Variants in C10orf143 observed in about 807,000 individuals in gnomAD.
C10orf143 encodes the protein uncharacterized protein C10orf143.
At chr10:130,037,360 C>T (rs1220645837) in intron 3 of C10orf143, among the ~76,000 whole-genome samples, 1 of 152,248 alleles carries the variant, frequency 6.6e-6, no homozygotes, top group Non-Finnish European at 1.5e-5. Flanking sequence ...AGCCCACTTG[C>T]ATCCTAGAGG....
intron 3 of C10orf143, among the ~76,000 whole-genome samples, chr10:130,069,472 G>A (rs1886902): frequency 0.059 from 9,043 of 152,218 alleles, 382 homozygotes; most frequent in Non-Finnish European, 0.089. Flanking sequence ...ACATCCTCAC[G>A]CTGCAACCAT....
chr10:130,036,740 C>T (rs1345350219), intron 3 of C10orf143, among the ~76,000 whole-genome samples: 1 of 152,196 alleles, frequency 6.6e-6, no homozygotes, highest in Non-Finnish European at 1.5e-5. Context: ...GTCAGGCATG[C>T]AGCCCACCTA....
chr10:130,063,492 T>C (rs1346705617), downstream of C10orf143, among the ~76,000 whole-genome samples: 1 of 152,198 alleles, frequency 6.6e-6, no homozygotes. Flanking sequence ...AATGAAGACG[T>C]GTCCTGTAAT....
intron 3 of C10orf143, among the ~76,000 whole-genome samples, chr10:130,040,844 G>T (rs887805782): frequency 6.6e-6 from 1 of 151,914 alleles, no homozygotes; most frequent in Non-Finnish European, 1.5e-5. Context: ...AAAAAAAAAG[G>T]TAGAATGAAG....
At chr10:130,095,974 A>T (rs112913567) in intron 1 of C10orf143, among the ~76,000 whole-genome samples, 7,680 of 152,266 alleles carry the variant, frequency 0.05, 651 homozygotes, top group African/African-American at 0.18. Flanking sequence ...GCTTCTGCAC[A>T]GCAAAAGAAA....
At chr10:130,104,228 T>C (rs753926249) in intron 1 of C10orf143, 1 of 152,204 alleles carries the variant, frequency 6.6e-6, no homozygotes, top group African/African-American at 2.4e-5. Context: ...GCTCAAAACA[T>C]GTCTGCCCAA....
chr10:130,082,112 A>G (rs1360862806), intron 1 of C10orf143, among the ~76,000 whole-genome samples: 5 of 152,086 alleles, frequency 3.3e-5, no homozygotes, highest in Non-Finnish European at 5.9e-5. Context: ...TATAAATCAA[A>G]ATATATATGA....
At chr10:130,071,547 A>G (rs2134754787) in intron 3 of C10orf143, among the ~76,000 whole-genome samples, 1 of 152,336 alleles carries the variant, frequency 6.6e-6, no homozygotes, top group African/African-American at 2.4e-5. Flanking sequence ...TGCATTGTAA[A>G]TATCTTTCCT....
chr10:130,102,627 A>G (rs1861576061), intron 1 of C10orf143, among the ~76,000 whole-genome samples: 2 of 152,218 alleles, frequency 1.3e-5, no homozygotes, highest in South Asian at 4.1e-4. Flanking sequence ...TATATCTATC[A>G]ATTTTTGTGA....
At chr10:130,044,728 G>A (rs1404391437) in intron 3 of C10orf143, among the ~76,000 whole-genome samples, 1 of 152,114 alleles carries the variant, frequency 6.6e-6, no homozygotes, top group Non-Finnish European at 1.5e-5. Flanking sequence ...CAGATGACCC[G>A]GTGGATCCAT....
intron 1 of C10orf143, among the ~76,000 whole-genome samples, chr10:130,109,814 C>T (rs1285534437): frequency 6.6e-6 from 1 of 151,730 alleles, no homozygotes; most frequent in Non-Finnish European, 1.5e-5. Flanking sequence ...ACTGGGAAGA[C>T]GGATCCTGCA....
intron 1 of C10orf143, among the ~76,000 whole-genome samples, chr10:130,081,948 A>C (rs556839790): frequency 7.3e-5 from 11 of 150,974 alleles, no homozygotes; most frequent in African/African-American, 2.7e-4. Flanking sequence ...AACGGTCACA[A>C]TGAAAAACAA....
At chr10:130,088,663 C>A (rs1003216655) in intron 1 of C10orf143, among the ~76,000 whole-genome samples, 1 of 152,166 alleles carries the variant, frequency 6.6e-6, no homozygotes, top group Non-Finnish European at 1.5e-5. Context: ...GATAAAGTTA[C>A]TTCTGCAGGA....
downstream of C10orf143, among the ~76,000 whole-genome samples, chr10:130,062,914 AGGGAG>A (rs1461376349): frequency 6.6e-6 from 1 of 152,050 alleles, no homozygotes; most frequent in African/African-American, 2.4e-5. Flanking sequence ...GTGTACCAGG[AGGGAG>A]GGCACTGACA....
chr10:130,062,791 A>G (rs1860870784), downstream of C10orf143, among the ~76,000 whole-genome samples: 1 of 152,014 alleles, frequency 6.6e-6, no homozygotes, highest in Non-Finnish European at 1.5e-5. Context: ...ACCCTAATAC[A>G]CCCACATTCT....
intron 3 of C10orf143, among the ~76,000 whole-genome samples, chr10:130,069,325 A>ACAAAAC (rs1860992399): frequency 6.6e-6 from 1 of 152,196 alleles, no homozygotes; most frequent in Non-Finnish European, 1.5e-5. Flanking sequence ...TCAATATCCA[A>ACAAAAC]CAAAACCAAA....
At chr10:130,078,756 T>C (rs1276665650) in intron 3 of C10orf143, among the ~76,000 whole-genome samples, 1 of 152,228 alleles carries the variant, frequency 6.6e-6, no homozygotes, top group Non-Finnish European at 1.5e-5. Flanking sequence ...AGTATGTCAA[T>C]TGAGGATCTC....
intron 3 of C10orf143, among the ~76,000 whole-genome samples, chr10:130,078,328 G>A (rs1475059903): frequency 6.6e-6 from 1 of 152,136 alleles, no homozygotes; most frequent in Non-Finnish European, 1.5e-5. Flanking sequence ...CCATGGAAAT[G>A]GGGTGGGGAC....
rs112983373 is a variant in C10orf143 at position 130,090,561 on chromosome 10, A to C, written c.70-10660T>G. 5.6e-4 allele frequency among the ~76,000 whole-genome samples: 85 copies of C among 152,294 alleles called. 1 individual carries two copies. Among genetic ancestry groups the C allele is most frequent in the African/African-American group, 1.9e-3 (79 of 41,560 alleles). ...GTGGCACCTGGAACACCAGTGAGAC[A>C]GAACCATTCACTCCCCTGGAAAGGG... On this transcript the variant is annotated intron_variant, in intron 1 of 3. Coordinates refer to ENST00000637128, the MANE Select transcript of C10orf143 (RefSeq NM_001355042.2).
Sources: gnomAD v4.1 joint callset for allele counts (sites outside exome capture counted in the v4.1 genomes callset) on GRCh38, gnomAD v4.1.1 for gene constraint, MANE v1.5 for transcripts, NCBI Gene and HGNC (gene_info 2026-07-23, HGNC 2026-07-21) for gene names.